KCNT2: variants seen among roughly 807,000 people sequenced by gnomAD.
KCNT2 encodes the protein potassium channel subfamily T member 2.
In KCNT2, 67 loss-of-function variants were observed where a neutral mutation model predicts 153.8. That is an observed-to-expected ratio of 0.44 (90% CI 0.36 to 0.53). The LOEUF (loss-of-function observed/expected upper bound fraction) is 0.53, where lower values mean the gene tolerates loss of function less well. KCNT2 is among the 20% of genes least tolerant of loss of function. KCNT2 has a pLI of 0.00. For synonymous variants in KCNT2, 500 were observed against 458.8 expected (o/e 1.09, Z -1.15); for missense variants, 975 against 1,354.8 (o/e 0.72, Z 4.40).
chr1:196,461,032 G>A (rs1557965010), intron 8 of KCNT2, among the ~76,000 whole-genome samples: 3 of 150,660 alleles, frequency 2.0e-5, no homozygotes, highest in Admixed American at 6.6e-5. Context: ...AAACTAATGT[G>A]AAAAAAAACA....
chr1:196,379,565 T>TCTCTCTCTCTC (rs1669288330), intron 13 of KCNT2, among the ~76,000 whole-genome samples: 1 of 136,148 alleles, frequency 7.3e-6, no homozygotes, highest in African/African-American at 2.7e-5. Context: ...CAGTGAGACT[T>TCTCTCTCTCTC]TCTCTCTCTC....
intron 8 of KCNT2, among the ~76,000 whole-genome samples, chr1:196,440,014 A>G (rs1675086326): frequency 1.3e-5 from 2 of 151,954 alleles, no homozygotes; most frequent in African/African-American, 2.4e-5. Context: ...TATGTAACAA[A>G]CCTGCACATT....
intron 1 of KCNT2, among the ~76,000 whole-genome samples, chr1:196,583,267 G>T (rs1662282172): frequency 6.6e-6 from 1 of 152,088 alleles, no homozygotes; most frequent in South Asian, 2.1e-4. Context: ...GCTTTAAAAA[G>T]AATTTAATAA....
intron 8 of KCNT2, 41 bp downstream of exon 8, chr1:196,465,252 T>G: frequency 9.5e-7 from 1 of 1,047,838 alleles, no homozygotes; most frequent in Non-Finnish European, 1.4e-6. Flanking sequence ...AAATTATAAT[T>G]AAATGAAACA....
At chr1:196,303,114 A>G (rs932273562) in intron 22 of KCNT2, among the ~76,000 whole-genome samples, 2 of 152,050 alleles carry the variant, frequency 1.3e-5, no homozygotes, top group Non-Finnish European at 2.9e-5. Flanking sequence ...TCTGTCAAAA[A>G]CTTGTAACTG....
chr1:196,353,263 C>T (rs1666892090), intron 14 of KCNT2, among the ~76,000 whole-genome samples: 1 of 151,942 alleles, frequency 6.6e-6, no homozygotes, highest in Non-Finnish European at 1.5e-5. Context: ...AGGCAGACAT[C>T]CTATTTTCCA....
At chr1:196,465,086 T>C (rs1416547612) in intron 8 of KCNT2, among the ~76,000 whole-genome samples, 3 of 152,030 alleles carry the variant, frequency 2.0e-5, no homozygotes, top group Non-Finnish European at 2.9e-5. Context: ...TATATATCAA[T>C]AGCAAATGAT....
intron 2 of KCNT2, 106 bp downstream of exon 2, chr1:196,492,156 C>G (rs1679905151): frequency 8.9e-7 from 1 of 1,126,908 alleles, no homozygotes; most frequent in Non-Finnish European, 1.2e-6. Flanking sequence ...AAAAAATAAC[C>G]AATTTTATTC....
chr1:196,596,856 A>C (rs1664148719), intron 1 of KCNT2, among the ~76,000 whole-genome samples: 1 of 151,988 alleles, frequency 6.6e-6, no homozygotes, highest in African/African-American at 2.4e-5. Flanking sequence ...ACACACCAAC[A>C]CACCTGGCTA....
intron 1 of KCNT2, among the ~76,000 whole-genome samples, chr1:196,589,268 T>TGC (rs1384403094): frequency 1.3e-5 from 2 of 151,698 alleles, no homozygotes; most frequent in African/African-American, 2.4e-5. Flanking sequence ...AAAAAAAGTG[T>TGC]GTGTGTGTGT....
At chr1:196,435,123 A>ATGTG (rs1315977011) in intron 8 of KCNT2, among the ~76,000 whole-genome samples, 43 of 70,618 alleles carry the variant, frequency 6.1e-4, no homozygotes, top group Non-Finnish European at 8.3e-4. Flanking sequence ...ATAGATACTT[A>ATGTG]TGTGTGTGTG....
chr1:196,367,553 TAACA>T (rs954532298), intron 14 of KCNT2, among the ~76,000 whole-genome samples: 1 of 152,196 alleles, frequency 6.6e-6, no homozygotes, highest in Admixed American at 6.6e-5. Flanking sequence ...TTTACATAAC[TAACA>T]GATACAACTA....
chr1:196,510,740 A>G (rs772723084), intron 1 of KCNT2, among the ~76,000 whole-genome samples: 1 of 152,226 alleles, frequency 6.6e-6, no homozygotes, highest in Non-Finnish European at 1.5e-5. Context: ...TCCAGCTGCC[A>G]GCTGCTTCAA....
chr1:196,270,575 G>A (rs189433877), intron 25 of KCNT2, among the ~76,000 whole-genome samples: 1 of 151,956 alleles, frequency 6.6e-6, no homozygotes, highest in Admixed American at 6.6e-5. Context: ...CAAATTCAAC[G>A]TACGCATACA....
chr1:196,417,319 T>C (rs2148502961), intron 12 of KCNT2, among the ~76,000 whole-genome samples: 1 of 152,230 alleles, frequency 6.6e-6, no homozygotes, highest in South Asian at 2.1e-4. Context: ...ATGGCACATT[T>C]TTCAAATCAA....
intron 5 of KCNT2, among the ~76,000 whole-genome samples, chr1:196,477,037 A>G (rs564189394): frequency 3.3e-5 from 5 of 152,246 alleles, no homozygotes; most frequent in Admixed American, 1.3e-4. Flanking sequence ...TATTTCTAAC[A>G]TCCTATGTCT....
intron 8 of KCNT2, among the ~76,000 whole-genome samples, chr1:196,430,221 T>C (rs1445603543): frequency 6.6e-6 from 1 of 151,956 alleles, no homozygotes; most frequent in Admixed American, 6.6e-5. Context: ...AATGCTATGG[T>C]TTGAATGCTG....
intron 13 of KCNT2, among the ~76,000 whole-genome samples, chr1:196,374,981 C>G (rs1366330067): frequency 6.6e-6 from 1 of 151,800 alleles, no homozygotes; most frequent in African/African-American, 2.4e-5. Flanking sequence ...TTCCTTACTA[C>G]AGTGCACAAA....
Position 196,305,218 on chromosome 1 carries a change from T to C in KCNT2, c.2595+16A>G. 4.5e-6 allele frequency: 6 copies of C among 1,347,432 alleles called. No individual in the cohort carries two copies. Among genetic ancestry groups the C allele is most frequent in the Non-Finnish European group, 6.4e-6 (6 of 937,418 alleles). 83.5% of individuals were successfully genotyped at this position (1,347,432 alleles called of 1,614,324 possible). Reference sequence around the variant, plus strand: ...AGATGGTTAAATCTAATTTACTTGATAATGTGGGGTCTTACCTTTTCCAGT... The same window carrying C: ...AGATGGTTAAATCTAATTTACTTGACAATGTGGGGTCTTACCTTTTCCAGT... On this transcript the variant is annotated intron_variant, in intron 22 of 27. Coordinates refer to ENST00000294725, the MANE Select transcript of KCNT2 (RefSeq NM_198503.5).
Sources: gnomAD v4.1 joint callset for allele counts (sites outside exome capture counted in the v4.1 genomes callset) on GRCh38, gnomAD v4.1.1 for gene constraint, MANE v1.5 for transcripts, NCBI Gene and HGNC (gene_info 2026-07-23, HGNC 2026-07-21) for gene names.